MKKS: variants seen among roughly 807,000 people sequenced by gnomAD.
MKKS encodes the protein MKKS centrosomal shuttling protein.
Under a neutral mutation model 33.2 loss-of-function variants are expected in MKKS, and 29 were observed. The observed-to-expected ratio is 0.87, with a 90% CI of 0.65 to 1.19. The LOEUF (loss-of-function observed/expected upper bound fraction) is 1.19. MKKS is among the 50% of genes most tolerant of loss of function. MKKS has a pLI of 0.00. For missense variants in MKKS, 661 were observed against 662.3 expected (o/e 1.00, Z 0.02); for synonymous variants, 260 against 244.0 (o/e 1.07, Z -0.61).
At position 10,407,667 on chromosome 20, in the gene MKKS, C is replaced by A; in HGVS notation, c.1221G>T (p.Leu407Phe). The A allele has an allele frequency of 1.2e-6, 2 of 1,614,078 alleles. No homozygotes were observed. The highest frequency in any genetic ancestry group is 1.1e-5 in the South Asian group (1 of 91,074). ...GAGTTTCAGTACAGCCACCTCCCAACAAAGCCCATGGTTCCTTGAGTGTTA... is the reference window on the plus strand; with the variant it reads ...GAGTTTCAGTACAGCCACCTCCCAAAAAAGCCCATGGTTCCTTGAGTGTTA... Reference protein sequence around the residue: ...LQLTLKEPWALLGGGCTETHL... With the variant: ...LQLTLKEPWAFLGGGCTETHL... Residue 407 changes from leucine (L) to phenylalanine (F), a missense_variant, in exon 5 of 6, where the codon TTG (leucine) becomes TTT (phenylalanine). Leu to Phe is a conservative substitution (Grantham distance 22). Coordinates refer to ENST00000347364, the MANE Select transcript of MKKS (RefSeq NM_170784.3).
chr20:10,407,170 C>T (rs559419300), intron 5 of MKKS, among the ~76,000 whole-genome samples: 18 of 152,222 alleles, frequency 1.2e-4, no homozygotes, highest in African/African-American at 4.3e-4. Context: ...TTTCTTGATG[C>T]TCTAGAAGAT....
chr20:10,413,693 T>C lies in MKKS; in HGVS notation c.-179A>G, dbSNP rs2064915370. On this transcript the variant is annotated 5_prime_UTR_variant, in exon 3 of 6. Transcript: ENST00000347364. ...GTTTATGAAGCTAATCAGCATAGAA[T>C]GATTTAATGACAAATTAGTAATTCC... 1.5e-6 allele frequency: 1 copy of C among 649,044 alleles called. No individual in the cohort carries two copies. The allele number at this position is 649,044 out of a possible 1,614,324, so 40.2% of individuals were successfully genotyped here.
chr20:10,418,937 A>G (rs760926722), intron 2 of MKKS, among the ~76,000 whole-genome samples: 1 of 152,136 alleles, frequency 6.6e-6, no homozygotes, highest in Non-Finnish European at 1.5e-5. Context: ...AGAATGTCCT[A>G]AAGTTACTCT....
At chr20:10,414,018 C>T (rs2122237791) in intron 2 of MKKS, 87 bp from the exon 3 acceptor site, 1 of 389,752 alleles carries the variant, frequency 2.6e-6, no homozygotes, top group South Asian at 1.4e-4. Context: ...TAATGCTCTG[C>T]TGCCTTTTTA....
chr20:10,410,992 TG>T lies in MKKS; in HGVS notation c.985+1537del, dbSNP rs200181173. Reference sequence around the variant, plus strand: ...AATATGGTTTCTACGGGAAAATGTTTGGTTTTTTTTTTTTTGATAGGGAATC... The same window carrying T: ...AATATGGTTTCTACGGGAAAATGTTTGTTTTTTTTTTTTTGATAGGGAATC... On this transcript the variant is annotated intron_variant, in intron 3 of 5. Transcript: ENST00000347364. Among the ~76,000 whole-genome samples the T allele has an allele frequency of 1.5e-3, 222 of 150,228 alleles. 1 individual carries two copies. Among genetic ancestry groups the T allele is most frequent in the African/African-American group, 4.8e-3 (194 of 40,742 alleles).
At chr20:10,433,259 G>T (rs1367440829) in intron 1 of MKKS, among the ~76,000 whole-genome samples, 2 of 152,210 alleles carry the variant, frequency 1.3e-5, no homozygotes, top group Non-Finnish European at 2.9e-5. Context: ...CCCGCCTCGG[G>T]CTCCTAAAGT....
chr20:10,433,107 G>GATTCAAGCT (rs1182179517), intron 1 of MKKS, among the ~76,000 whole-genome samples: 2 of 152,216 alleles, frequency 1.3e-5, no homozygotes, highest in African/African-American at 4.8e-5. Flanking sequence ...GGGCTCAAGC[G>GATTCAAGCT]ATTCTCCTGC....
chr20:10,430,289 C>A (rs1359801234), intron 1 of MKKS, among the ~76,000 whole-genome samples: 1 of 152,158 alleles, frequency 6.6e-6, no homozygotes, highest in Non-Finnish European at 1.5e-5. Flanking sequence ...TCTTCACTTA[C>A]CACTTTACAA....
intron 1 of MKKS, among the ~76,000 whole-genome samples, chr20:10,427,441 C>T (rs1039080815): frequency 1.3e-5 from 2 of 152,116 alleles, no homozygotes; most frequent in African/African-American, 4.8e-5. Flanking sequence ...AACCAATTAA[C>T]CCAGCTCTTG....
In MKKS at chr20:10,404,270, G is replaced by A. The variant is rs1220765144; in HGVS notation, c.*977C>T. On this transcript the variant is annotated 3_prime_UTR_variant, in exon 6 of 6. Coordinates refer to ENST00000347364, the MANE Select transcript of MKKS (RefSeq NM_170784.3). ...AATAACTTCCCCTTCCCTTTATGCT[G>A]CTTTCTGAAGTCCTGCTAGAATACT... 1 of 151,998 alleles carries A rather than the reference G, an allele frequency of 6.6e-6. No homozygotes were observed. The highest frequency in any genetic ancestry group is 2.4e-5 in the African/African-American group (1 of 41,362). The allele number at this position is 151,998 out of a possible 1,614,324, so 9.4% of individuals were successfully genotyped here. A position where few individuals can be genotyped will look rare whatever the true frequency, so the allele number is the denominator to read the frequency against.
chr20:10,414,691 CAA>C (rs1338643679), intron 2 of MKKS, among the ~76,000 whole-genome samples: 1 of 152,120 alleles, frequency 6.6e-6, no homozygotes, highest in Non-Finnish European at 1.5e-5. Flanking sequence ...GCATTTATAT[CAA>C]GTCATGTTTG....
chr20:10,417,577 T>C (rs2064948550), intron 2 of MKKS, among the ~76,000 whole-genome samples: 1 of 152,118 alleles, frequency 6.6e-6, no homozygotes, highest in Non-Finnish European at 1.5e-5. Flanking sequence ...GTTACTGCAC[T>C]GTAGCCTGGG....
intron 2 of MKKS, among the ~76,000 whole-genome samples, chr20:10,414,999 T>C (rs1275086536): frequency 2.0e-5 from 3 of 152,112 alleles, no homozygotes; most frequent in Admixed American, 6.5e-5. Flanking sequence ...AGGATCTGAG[T>C]TGCAATTCAA....
rs2064825331 is a variant in MKKS, at chr20:10,404,126, A to G, written c.*1121T>C. 1 of 152,120 alleles carries G rather than the reference A, an allele frequency of 6.6e-6. No individual in the cohort carries two copies. Among genetic ancestry groups the G allele is most frequent in the South Asian group, 2.1e-4 (1 of 4,816 alleles). 9.4% of individuals were successfully genotyped at this position (152,120 alleles called of 1,614,324 possible). A position where few individuals can be genotyped will look rare whatever the true frequency, so the allele number is the denominator to read the frequency against. ...GGCTGCCTTCTATATTTCTTCTTCAATTTATCAATACATCTTATATTTGCA... is the reference window on the plus strand; with the variant it reads ...GGCTGCCTTCTATATTTCTTCTTCAGTTTATCAATACATCTTATATTTGCA... On this transcript the variant is annotated 3_prime_UTR_variant, in exon 6 of 6. Coordinates refer to ENST00000347364, the MANE Select transcript of MKKS (RefSeq NM_170784.3).
At chr20:10,410,206 G>A (rs221669) in intron 3 of MKKS, among the ~76,000 whole-genome samples, 123,707 of 152,086 alleles carry the variant, frequency 0.81, 50,901 homozygotes, top group African/African-American at 0.92. Context: ...GCATGAGAAG[G>A]CCGGCTCTAC....
In MKKS at chr20:10,414,186, T is replaced by C. The variant is rs575383391; in HGVS notation, c.-417-255A>G. Among the ~76,000 whole-genome samples the C allele has an allele frequency of 2.0e-4, 31 of 152,010 alleles. No individual in the cohort carries two copies. In the Middle Eastern group the frequency reaches 0.014, roughly 67 times the overall value. ...GGCACAACAACATGGCTAGAAAGCTTACAGCACAGTTATTTGAATATGGCA... is the reference window on the plus strand; with the variant it reads ...GGCACAACAACATGGCTAGAAAGCTCACAGCACAGTTATTTGAATATGGCA... On this transcript the variant is annotated intron_variant, in intron 2 of 5. Transcript: ENST00000347364.
chr20:10,407,534 G>A, intron 5 of MKKS, 82 bp downstream of exon 5: 2 of 1,135,146 alleles, frequency 1.8e-6, no homozygotes, highest in Non-Finnish European at 2.6e-6. Context: ...AAGACTATAG[G>A]ATATTATGAT....
chr20:10,406,643 C>A (rs1312814588), intron 5 of MKKS, among the ~76,000 whole-genome samples: 3 of 152,140 alleles, frequency 2.0e-5, no homozygotes, highest in African/African-American at 7.2e-5. Context: ...TCTGTATTAG[C>A]AAACTAATAA....
At position 10,405,286 on chromosome 20, in the gene MKKS, C is replaced by T; in HGVS notation, c.1674G>A (p.Leu558=). The T allele has an allele frequency of 6.2e-7, 1 of 1,613,116 alleles. No homozygotes were observed. The highest frequency in any genetic ancestry group is 8.5e-7 in the Non-Finnish European group (1 of 1,179,594). The change falls in exon 6 of 6, where the codon TTG becomes TTA. Residue 558 remains leucine (L), a synonymous_variant. Transcript: ENST00000347364. ...CAATAACATATGAAAGATCCAAAATCAAATTGGCTGTCTCTACAGCCACCT... is the reference window on the plus strand; with the variant it reads ...CAATAACATATGAAAGATCCAAAATTAAATTGGCTGTCTCTACAGCCACCT... ...GLQVAVETAN[L]ILDLSYVIED...
Sources: allele counts gnomAD v4.1 joint callset (sites outside exome capture counted in the v4.1 genomes callset), GRCh38; gene constraint gnomAD v4.1.1; transcripts MANE v1.5; gene names NCBI Gene and HGNC (gene_info 2026-07-23, HGNC 2026-07-21).